The following TJP2 variants were observed in gnomAD, a reference collection of about 807,000 sequenced individuals.
TJP2 encodes the protein tight junction protein 2, also known as Friedreich ataxia region gene X104 (tight junction protein ZO-2).
TJP2 carries 91 observed loss-of-function variants against 133.1 expected under a neutral mutation model. The ratio of observed to expected loss-of-function variants is 0.68; its 90% CI spans 0.58 to 0.81. The LOEUF (loss-of-function observed/expected upper bound fraction) is 0.81. Among genes scored for constraint, TJP2 ranks in the 40% least tolerant of loss-of-function variants. The pLI, the probability that TJP2 is intolerant of heterozygous loss-of-function variation, is 0.00. For synonymous variants in TJP2, 592 were observed against 583.4 expected (o/e 1.01, Z -0.21); for missense variants, 1,541 against 1,565.6 (o/e 0.98, Z 0.26).
intron 2 of TJP2, among the ~76,000 whole-genome samples, chr9:69,156,859 G>A (rs1267615800): frequency 6.6e-6 from 1 of 152,216 alleles, no homozygotes; most frequent in Non-Finnish European, 1.5e-5. Flanking sequence ...ATCTGGCAGA[G>A]CAGGACAACT....
intron 10 of TJP2, among the ~76,000 whole-genome samples, chr9:69,229,710 G>C (rs951425278): frequency 2.0e-5 from 3 of 152,302 alleles, no homozygotes; most frequent in Non-Finnish European, 4.4e-5. Context: ...CAGCCTCCTG[G>C]ATTAGGATTC....
intron 18 of TJP2, among the ~76,000 whole-genome samples, chr9:69,247,623 G>A (rs1831018082): frequency 6.6e-6 from 1 of 152,168 alleles, no homozygotes; most frequent in South Asian, 2.1e-4. Flanking sequence ...TGAGAATCTT[G>A]TAGAGGCATG....
chr9:69,200,460 T>C (rs1826904642), intron 1 of TJP2, among the ~76,000 whole-genome samples: 1 of 152,202 alleles, frequency 6.6e-6, no homozygotes, highest in Non-Finnish European at 1.5e-5. Flanking sequence ...TGATCATAGC[T>C]CACTGTAGCC....
At chr9:69,167,865 CAAAAAAAA>C (rs33986127) in intron 2 of TJP2, among the ~76,000 whole-genome samples, 1 of 128,962 alleles carries the variant, frequency 7.8e-6, no homozygotes, top group East Asian at 2.3e-4. Flanking sequence ...GAGAGTCTGT[CAAAAAAAA>C]AAAAAAAAAG....
intron 1 of TJP2, among the ~76,000 whole-genome samples, chr9:69,183,231 G>T (rs1426621486): frequency 1.3e-5 from 2 of 152,050 alleles, no homozygotes; most frequent in African/African-American, 4.8e-5. Context: ...AGTTCCAGAG[G>T]TAGGTGAATT....
intron 1 of TJP2, among the ~76,000 whole-genome samples, chr9:69,144,562 A>AGTG (rs1177041018): frequency 1.3e-5 from 2 of 152,228 alleles, no homozygotes; most frequent in Non-Finnish European, 2.9e-5. Context: ...GAACTCTCAG[A>AGTG]GTGACAAACT....
chr9:69,240,182 A>AAATGAGAAAT (rs765244741), intron 17 of TJP2, 35 bp downstream of exon 17: 36 of 1,565,376 alleles, frequency 2.3e-5, no homozygotes, highest in Non-Finnish European at 3.1e-5. Flanking sequence ...CTTTGCTAAA[A>AAATGAGAAAT]AATGAGAAAT....
chr9:69,159,909 G>A (rs72709044), intron 2 of TJP2, among the ~76,000 whole-genome samples: 228 of 5,566 alleles, frequency 0.041, 1 homozygote, highest in African/African-American at 0.049. Flanking sequence ...ATATATATAT[G>A]TGTGTGTGTG....
intron 1 of TJP2, among the ~76,000 whole-genome samples, chr9:69,122,391 C>G (rs931235433): frequency 3.9e-5 from 6 of 152,206 alleles, no homozygotes; most frequent in Non-Finnish European, 7.3e-5. Flanking sequence ...ACCGTACAGC[C>G]CTGGGGGTGC....
chr9:69,244,778 G>GT (rs1830812998), intron 17 of TJP2, among the ~76,000 whole-genome samples: 1 of 152,210 alleles, frequency 6.6e-6, no homozygotes. Context: ...AGCTTAGGAA[G>GT]TTAGCTACTG....
intron 2 of TJP2, among the ~76,000 whole-genome samples, chr9:69,157,793 A>G (rs1008686897): frequency 6.6e-5 from 10 of 152,136 alleles, no homozygotes; most frequent in Non-Finnish European, 8.8e-5. Flanking sequence ...ACTTAAAGCT[A>G]AACATATTTT....
Position 69,124,099 on chromosome 9 carries a change from C to T in TJP2, c.-131+2374C>T, listed in dbSNP as rs541560748. 4.0e-5 allele frequency among the ~76,000 whole-genome samples: 3 copies of T among 75,162 alleles called. 1 individual carries two copies. Among genetic ancestry groups the T allele is most frequent in the South Asian group, 3.7e-4 (1 of 2,696 alleles). 49.3% of individuals were successfully genotyped at this position (75,162 alleles called of 152,430 possible). On this transcript the variant is annotated intron_variant, in intron 1 of 5. Transcript: ENST00000423935. Reference sequence around the variant, plus strand: ...GTTTCACCGTGTTAGCCAGGATGGTCTTGATCTCCTGACCTCGTGATCCGC... The same window carrying T: ...GTTTCACCGTGTTAGCCAGGATGGTTTTGATCTCCTGACCTCGTGATCCGC...
intron 1 of TJP2, among the ~76,000 whole-genome samples, chr9:69,135,063 G>C (rs753780486): frequency 4.9e-4 from 75 of 152,104 alleles, no homozygotes; most frequent in Non-Finnish European, 8.2e-4. Flanking sequence ...CCACCCTCAT[G>C]ACCTCATCTA....
intron 1 of TJP2, among the ~76,000 whole-genome samples, chr9:69,186,923 T>G (rs997374835): frequency 6.6e-6 from 1 of 152,198 alleles, no homozygotes; most frequent in South Asian, 2.1e-4. Flanking sequence ...ATCAGGAATT[T>G]GTTAGTCACC....
At chr9:69,210,785 G>T (rs1433007242) in intron 1 of TJP2, among the ~76,000 whole-genome samples, 1 of 143,114 alleles carries the variant, frequency 7.0e-6, no homozygotes, top group Non-Finnish European at 1.5e-5. Context: ...TACAGATGGG[G>T]TCTCACTATG....
chr9:69,199,373 A>T (rs543531342), intron 1 of TJP2, among the ~76,000 whole-genome samples: 5 of 152,102 alleles, frequency 3.3e-5, no homozygotes, highest in East Asian at 1.9e-4. Flanking sequence ...TACTAAAATT[A>T]AAAAAAATTA....
chr9:69,215,490 T>A (rs1011897403), intron 2 of TJP2, among the ~76,000 whole-genome samples: 2 of 151,934 alleles, frequency 1.3e-5, no homozygotes, highest in Non-Finnish European at 2.9e-5. Context: ...GCTCAGGTGA[T>A]TCTCCCACCT....
At chr9:69,212,634 C>T (rs1359900748) in intron 2 of TJP2, 33 bp downstream of exon 2, 2 of 1,553,408 alleles carry the variant, frequency 1.3e-6, no homozygotes, top group Non-Finnish European at 8.9e-7. Context: ...ATTCTACAGT[C>T]ATGTTCTTGA....
At chr9:69,145,793 A>C in intron 1 of TJP2, 1 of 1,232,118 alleles carries the variant, frequency 8.1e-7, no homozygotes, top group Non-Finnish European at 1.0e-6. Flanking sequence ...AGAGCAGAAG[A>C]CACGTGAACC....
Sources: gnomAD v4.1 joint callset for allele counts (sites outside exome capture counted in the v4.1 genomes callset) on GRCh38, gnomAD v4.1.1 for gene constraint, MANE v1.5 for transcripts, NCBI Gene and HGNC (gene_info 2026-07-23, HGNC 2026-07-21) for gene names.